Variants in SHROOM4 observed in about 807,000 individuals in gnomAD.
SHROOM4 encodes protein Shroom4.
Under a neutral mutation model 80.3 loss-of-function variants are expected in SHROOM4, and 17 were observed. The observed-to-expected ratio is 0.21, with a 90% CI of 0.14 to 0.32. The LOEUF is 0.32. SHROOM4 is among the 10% of genes least tolerant of loss of function. SHROOM4 has a pLI of 1.00. For synonymous variants in SHROOM4, 400 were observed against 437.5 expected, an observed-to-expected ratio of 0.91 and a Z score of 1.07; for missense variants, 993 against 1,140.3, an observed-to-expected ratio of 0.87 and a Z score of 1.86.
intron 1 of SHROOM4, among the ~76,000 whole-genome samples, chrX:50,795,154 T>C (rs2891043): frequency 2.6e-4 from 2 of 7,808 alleles, no homozygotes; most frequent in Non-Finnish European, 1.3e-3. Flanking sequence ...ATGATATATA[T>C]ATATATATAT....
At chrX:50,651,099 C>G (rs1932036261) in intron 2 of SHROOM4, among the ~76,000 whole-genome samples, 1 of 110,957 alleles carries the variant, frequency 9.0e-6, no homozygotes, top group African/African-American at 3.3e-5. Context: ...AACAAACAAA[C>G]CAACAAAAAA....
chrX:50,586,918 C>G lies in SHROOM4; in HGVS notation c.*9777G>C, dbSNP rs188821945. ...ATATGCATTTCCTCACATAATTACCCTCTTTTGCAGTAAGAGCACCTGAAA... is the reference window on the plus strand; with the variant it reads ...ATATGCATTTCCTCACATAATTACCGTCTTTTGCAGTAAGAGCACCTGAAA... On this transcript the variant is annotated 3_prime_UTR_variant, in exon 9 of 9. Coordinates refer to ENST00000376020, the MANE Select transcript of SHROOM4 (RefSeq NM_020717.5). Among the ~76,000 whole-genome samples, 3 of 111,828 alleles carry G rather than the reference C, an allele frequency of 2.7e-5. No individual in the cohort carries two copies. In the East Asian group the frequency reaches 8.4e-4, roughly 31 times the overall value.
intron 7 of SHROOM4, among the ~76,000 whole-genome samples, chrX:50,599,081 C>G (rs782094295): frequency 9.1e-5 from 10 of 109,303 alleles, no homozygotes; most frequent in Non-Finnish European, 1.5e-4. Flanking sequence ...AGGCTGACCT[C>G]AAGTGATCAG....
intron 2 of SHROOM4, among the ~76,000 whole-genome samples, chrX:50,661,525 A>G (rs1557259977): frequency 2.7e-5 from 3 of 112,174 alleles, no homozygotes; most frequent in South Asian, 3.8e-4. Flanking sequence ...TTTTGCTTAG[A>G]AAGACTTTTC....
chrX:50,787,160 A>G (rs1473936375), intron 1 of SHROOM4, among the ~76,000 whole-genome samples: 8 of 109,962 alleles, frequency 7.3e-5, no homozygotes, highest in African/African-American at 2.7e-4. Flanking sequence ...TTGAGTCAAC[A>G]GTGAGCTATG....
intron 1 of SHROOM4, among the ~76,000 whole-genome samples, chrX:50,786,061 T>A (rs1557271044): frequency 9.0e-6 from 1 of 111,513 alleles, no homozygotes; most frequent in Non-Finnish European, 1.9e-5. Context: ...TCCTGTACGA[T>A]GAGACTACCA....
chrX:50,715,613 G>C (rs1557264741), intron 1 of SHROOM4, among the ~76,000 whole-genome samples: 1 of 111,121 alleles, frequency 9.0e-6, no homozygotes, highest in African/African-American at 3.3e-5. Context: ...CAATCATCAG[G>C]GAAATACAAA....
chrX:50,651,196 AG>A (rs1281407819), intron 2 of SHROOM4, among the ~76,000 whole-genome samples: 4 of 112,244 alleles, frequency 3.6e-5, no homozygotes, highest in African/African-American at 1.3e-4. Flanking sequence ...AGGGAACAAA[AG>A]TACAAGAAAA....
At chrX:50,755,348 G>A (rs782595273) in intron 1 of SHROOM4, among the ~76,000 whole-genome samples, 24 of 111,829 alleles carry the variant, frequency 2.1e-4, no homozygotes, top group Non-Finnish European at 4.1e-4. Flanking sequence ...AGCTTAAACC[G>A]CAAGACACAT....
intron 1 of SHROOM4, among the ~76,000 whole-genome samples, chrX:50,789,412 C>CA (rs1935811698): frequency 9.1e-6 from 1 of 109,627 alleles, no homozygotes; most frequent in African/African-American, 3.3e-5. Flanking sequence ...ATGGGTGAAA[C>CA]AAAAAAATCA....
intron 1 of SHROOM4, among the ~76,000 whole-genome samples, chrX:50,742,704 T>A (rs1811475378): frequency 9.4e-6 from 1 of 106,746 alleles, no homozygotes; most frequent in South Asian, 4.0e-4. Flanking sequence ...AGGAACACAC[T>A]ACCAACATGA....
downstream of SHROOM4, among the ~76,000 whole-genome samples, chrX:50,585,600 C>T (rs1213338348): frequency 9.0e-6 from 1 of 111,380 alleles, no homozygotes; most frequent in Admixed American, 9.5e-5. Context: ...GGCCAGTGTG[C>T]AATTTGGAGG....
intron 2 of SHROOM4, among the ~76,000 whole-genome samples, chrX:50,648,099 G>T (rs960428579): frequency 7.1e-5 from 8 of 112,006 alleles, no homozygotes; most frequent in Non-Finnish European, 1.3e-4. Context: ...TGTGTGTGTG[G>T]GGGTCAACAG....
At chrX:50,601,366 C>T (rs188855068) in intron 7 of SHROOM4, among the ~76,000 whole-genome samples, 68 of 112,355 alleles carry the variant, frequency 6.1e-4, no homozygotes, top group African/African-American at 1.9e-3. Flanking sequence ...AGGAAGCAGA[C>T]ATCTGCATCA....
chrX:50,616,453 A>G (rs1930240236), intron 5 of SHROOM4, among the ~76,000 whole-genome samples: 1 of 111,686 alleles, frequency 9.0e-6, no homozygotes, highest in Admixed American at 9.5e-5. Context: ...TCAAAGCATA[A>G]ATATGAGGAC....
rs1467151974 is a variant in SHROOM4, at chrX:50,588,011, G to C, written c.*8684C>G. On this transcript the variant is annotated 3_prime_UTR_variant, in exon 9 of 9. Transcript: ENST00000376020. ...TAAGTCTAAAGATAGGTTTGAGGAG[G>C]AGTGGATGTTTTCCCCAAACCAGCC... 2.7e-5 allele frequency among the ~76,000 whole-genome samples: 3 copies of C among 112,024 alleles called. No homozygotes were observed. In the East Asian group the frequency reaches 8.4e-4, roughly 31 times the overall value.
At chrX:50,651,796 T>C (rs781922443) in intron 2 of SHROOM4, among the ~76,000 whole-genome samples, 7 of 107,594 alleles carry the variant, frequency 6.5e-5, no homozygotes, top group Non-Finnish European at 7.7e-5. Context: ...TGTGTTCTCA[T>C]TGTTCAACTT....
chrX:50,737,653 C>A (rs781964192), intron 1 of SHROOM4, among the ~76,000 whole-genome samples: 225 of 111,034 alleles, frequency 2.0e-3, no homozygotes, highest in Non-Finnish European at 3.3e-3. Flanking sequence ...CTGAATAGAC[C>A]AATAACAGGC....
intron 1 of SHROOM4, among the ~76,000 whole-genome samples, chrX:50,764,131 ACACCCTGAG>A (rs1557269123): frequency 9.0e-6 from 1 of 111,366 alleles, no homozygotes; most frequent in African/African-American, 3.3e-5. Flanking sequence ...GTCTTTCCTA[ACACCCTGAG>A]CAGAATTTTT....
Sources: gnomAD v4.1 joint callset for allele counts (sites outside exome capture counted in the v4.1 genomes callset) on GRCh38, gnomAD v4.1.1 for gene constraint, MANE v1.5 for transcripts, NCBI Gene and HGNC (gene_info 2026-07-23, HGNC 2026-07-21) for gene names.